SLC2A12: variants seen among roughly 807,000 people sequenced by gnomAD.
SLC2A12 encodes the protein solute carrier family 2, facilitated glucose transporter member 12.
In SLC2A12, 23 loss-of-function variants were observed where a neutral mutation model predicts 41.8. The ratio of observed to expected loss-of-function variants is 0.55; its 90% CI spans 0.40 to 0.78. The LOEUF (loss-of-function observed/expected upper bound fraction) is 0.78, where lower values mean the gene tolerates loss of function less well. Ranked by LOEUF, SLC2A12 falls within the 30% of genes least tolerant of loss-of-function variation. SLC2A12 has a pLI of 0.00. For missense variants in SLC2A12, 654 were observed against 745.6 expected (o/e 0.88, Z 1.43); for synonymous variants, 295 against 285.9 (o/e 1.03, Z -0.32).
At position 134,032,792 on chromosome 6, in the gene SLC2A12, T is replaced by TTA. The variant is rs10632688; in HGVS notation, c.104-3073_104-3072dup. Reference sequence around the variant, plus strand: ...TCTGTTTCACTGCTATATATATATATTATATATATATAATTTATATCTATA... The same window carrying TTA: ...TCTGTTTCACTGCTATATATATATATTATATATATATATAATTTATATCTATA... On this transcript the variant is annotated intron_variant, in intron 1 of 4. Coordinates refer to ENST00000275230, the MANE Select transcript of SLC2A12 (RefSeq NM_145176.3). Among the ~76,000 whole-genome samples, 310 of 138,008 alleles carry TTA rather than the reference T, an allele frequency of 2.2e-3. 2 individuals are homozygous for TTA. Among genetic ancestry groups the TTA allele is most frequent in the African/African-American group, 4.0e-3 (147 of 36,774 alleles). 90.5% of individuals were successfully genotyped at this position (138,008 alleles called of 152,430 possible). A position where few individuals can be genotyped will look rare whatever the true frequency, so the allele number is the denominator to read the frequency against.
At chr6:134,007,392 T>G (rs1776828854) in intron 2 of SLC2A12, among the ~76,000 whole-genome samples, 1 of 152,172 alleles carries the variant, frequency 6.6e-6, no homozygotes, top group Non-Finnish European at 1.5e-5. Context: ...AAATCACAGC[T>G]AATGAGTGGG....
chr6:134,017,335 T>C (rs980931042), intron 2 of SLC2A12, among the ~76,000 whole-genome samples: 17 of 152,252 alleles, frequency 1.1e-4, no homozygotes, highest in African/African-American at 4.1e-4. Flanking sequence ...GTCAGAGTCA[T>C]ACCAGAGGAC....
chr6:133,998,015 C>T (rs762984940), intron 4 of SLC2A12, among the ~76,000 whole-genome samples: 1 of 152,080 alleles, frequency 6.6e-6, no homozygotes, highest in East Asian at 1.9e-4. Context: ...TCAACAGTAC[C>T]TTTGGCTTTT....
At position 134,028,514 on chromosome 6, in the gene SLC2A12, C is replaced by A; in HGVS notation, c.1311G>T (p.Leu437Phe). 1 of 1,614,190 alleles carries A rather than the reference C, an allele frequency of 6.2e-7. No individual in the cohort carries two copies. Among genetic ancestry groups the A allele is most frequent in the Non-Finnish European group, 8.5e-7 (1 of 1,180,022 alleles). Reference sequence around the variant, plus strand: ...CAGTGTGGCTTAATCCAGCATTTAGCAAGGATGCTGAGGTCGTCTCCCCTC... The same window carrying A: ...CAGTGTGGCTTAATCCAGCATTTAGAAAGGATGCTGAGGTCGTCTCCCCTC... ...DKRGETTSASLLNAGLSHTEY... is the reference protein window; with the variant it reads ...DKRGETTSASFLNAGLSHTEY... Residue 437 changes from leucine (L) to phenylalanine (F), a missense_variant, in exon 2 of 5, where the codon TTG becomes TTT. Around this residue, in one of 3 missense-constraint regions of SLC2A12, gnomAD observed 411 missense variants for 412.1 expected, o/e 1.00. Coordinates refer to ENST00000275230, the MANE Select transcript of SLC2A12 (RefSeq NM_145176.3).
intron 2 of SLC2A12, among the ~76,000 whole-genome samples, chr6:134,018,752 C>CT (rs1203977559): frequency 2.3e-4 from 28 of 121,130 alleles, no homozygotes; most frequent in African/African-American, 9.1e-4. Flanking sequence ...TAGGTGTGTT[C>CT]ATTTTTTTTT....
intron 4 of SLC2A12, among the ~76,000 whole-genome samples, chr6:133,994,223 C>G (rs1239401780): frequency 6.6e-6 from 1 of 152,050 alleles, no homozygotes; most frequent in Non-Finnish European, 1.5e-5. Context: ...CCAAAGTAGT[C>G]GGATAACATT....
rs563539107 is a variant in SLC2A12 at position 134,029,054 on chromosome 6, C to T, written c.771G>A (p.Leu257=). The change falls in exon 2 of 5, where the codon CTG becomes CTA. Residue 257 remains leucine, a synonymous_variant. Transcript: ENST00000275230. ...TEELTVIKSS[L]KDEYQYSFWD... is the part of the protein sequence containing the mutation. ...AAAAACTGTACTGATATTCATCTTT[C>T]AGGGAGGATTTGATCACAGTGAGTT... is the stretch of plus-strand genomic sequence containing the variant. The T allele has an allele frequency of 2.4e-4, 392 of 1,614,186 alleles. 7 individuals carry two copies. The South Asian group carries it at 4.1e-3, about 17-fold the overall frequency.
chr6:134,002,562 G>A (rs922679910), intron 3 of SLC2A12, among the ~76,000 whole-genome samples: 6 of 151,986 alleles, frequency 3.9e-5, no homozygotes, highest in Admixed American at 2.0e-4. Context: ...GTTTCTGTTC[G>A]GTGGACAATT....
intron 2 of SLC2A12, among the ~76,000 whole-genome samples, chr6:134,018,663 C>T (rs1260917882): frequency 6.6e-6 from 1 of 152,210 alleles, no homozygotes; most frequent in African/African-American, 2.4e-5. Context: ...CATGCCCTTT[C>T]ACTTACCCTC....
chr6:134,005,659 T>TAAAAAAAAAAAAAAAA (rs56710009), intron 3 of SLC2A12, among the ~76,000 whole-genome samples: 3 of 64,960 alleles, frequency 4.6e-5, no homozygotes, highest in African/African-American at 1.4e-4. Context: ...GACTCTGTCT[T>TAAAAAAAAAAAAAAAA]AAAAAAAAAA....
rs200794350 is a variant in SLC2A12 at position 134,038,700 on chromosome 6, C to CTTTTTTT, written c.104-8986_104-8980dup. On this transcript the variant is annotated intron_variant, in intron 1 of 4. Transcript: ENST00000275230. ...CTTTTATCCTTTCTTCCTTTCTTTC[C>CTTTTTTT]TTTTTTTTTTTTTTTTTTTTTTTTT... is the stretch of plus-strand genomic sequence containing the variant. Among the ~76,000 whole-genome samples, 4 of 82,110 alleles carry CTTTTTTT rather than the reference C, an allele frequency of 4.9e-5. 1 individual carries two copies. The highest frequency in any genetic ancestry group is 2.5e-4 in the African/African-American group (4 of 15,704). 53.9% of individuals were successfully genotyped at this position (82,110 alleles called of 152,430 possible). A position where few individuals can be genotyped will look rare whatever the true frequency, so the allele number is the denominator to read the frequency against.
chr6:134,039,729 C>T (rs1322586716), intron 1 of SLC2A12, among the ~76,000 whole-genome samples: 3 of 152,094 alleles, frequency 2.0e-5, no homozygotes, highest in African/African-American at 7.2e-5. Flanking sequence ...GGAGGTGGGG[C>T]CTGGTGGGAA....
intron 4 of SLC2A12, among the ~76,000 whole-genome samples, chr6:133,996,345 C>T (rs1331476627): frequency 1.3e-5 from 2 of 152,214 alleles, no homozygotes; most frequent in African/African-American, 4.8e-5. Context: ...ATATGGCAAA[C>T]ATCACATCCC....
At chr6:134,005,462 G>A (rs1472735415) in intron 3 of SLC2A12, among the ~76,000 whole-genome samples, 1 of 151,494 alleles carries the variant, frequency 6.6e-6, no homozygotes, top group African/African-American at 2.4e-5. Context: ...TTCGAGACCA[G>A]CCTGAGTCAA....
chr6:133,994,661 G>A (rs958712356), intron 4 of SLC2A12, among the ~76,000 whole-genome samples: 9 of 152,178 alleles, frequency 5.9e-5, no homozygotes, highest in African/African-American at 2.2e-4. Context: ...CTGGGAGGCA[G>A]AGCTTGCATT....
chr6:134,019,893 T>C (rs548982988), intron 2 of SLC2A12, among the ~76,000 whole-genome samples: 3 of 152,044 alleles, frequency 2.0e-5, no homozygotes, highest in Admixed American at 2.0e-4. Context: ...CTGGTGGTAG[T>C]GCACAACTGT....
chr6:133,993,114 C>T (rs1776644308), intron 4 of SLC2A12, among the ~76,000 whole-genome samples: 1 of 152,164 alleles, frequency 6.6e-6, no homozygotes, highest in African/African-American at 2.4e-5. Context: ...CCTTTTAACA[C>T]TCTCTTCTTT....
chr6:134,018,435 CA>C (rs1229053576), intron 2 of SLC2A12, among the ~76,000 whole-genome samples: 1 of 152,118 alleles, frequency 6.6e-6, no homozygotes, highest in Non-Finnish European at 1.5e-5. Flanking sequence ...AGTCCAATAC[CA>C]AAGCCTGGTC....
intron 1 of SLC2A12, among the ~76,000 whole-genome samples, chr6:134,044,506 G>C (rs1777428456): frequency 6.6e-6 from 1 of 152,108 alleles, no homozygotes; most frequent in African/African-American, 2.4e-5. Flanking sequence ...TTGAGGTCAG[G>C]AGTTTGAGAC....
Sources: allele counts gnomAD v4.1 joint callset (sites outside exome capture counted in the v4.1 genomes callset), GRCh38; gene constraint gnomAD v4.1.1; regional missense constraint gnomAD v4.1.1; transcripts MANE v1.5; gene names NCBI Gene and HGNC (gene_info 2026-07-23, HGNC 2026-07-21).